The following KAZALD1 variants were observed in gnomAD, a reference collection of about 807,000 sequenced individuals.
The protein encoded by KAZALD1 is kazal-type serine protease inhibitor domain-containing protein 1.
A neutral mutation model predicts 27.7 loss-of-function variants in KAZALD1; 31 were observed. That is an observed-to-expected ratio of 1.12 (90% CI 0.84 to 1.51). The LOEUF (loss-of-function observed/expected upper bound fraction) is 1.51. Among genes scored for constraint, KAZALD1 ranks in the 40% most tolerant of loss-of-function variants. KAZALD1 has a pLI of 0.00. For missense variants in KAZALD1, 444 were observed against 408.9 expected (o/e 1.09, Z -0.74); for synonymous variants, 179 against 182.0 (o/e 0.98, Z 0.13).
In KAZALD1 at chr10:101,063,104, G is replaced by C. The variant is rs1316630273; in HGVS notation, c.511+1G>C. On this transcript the variant is annotated splice_donor_variant, in intron 2 of 4. Coordinates refer to ENST00000370200, the MANE Select transcript of KAZALD1 (RefSeq NM_030929.5). LOFTEE classifies it high-confidence loss of function. ...GCACACCCGGGGCCCTGCGAATCGGGTACGCATGGCCCGGGGCCCCCACCC... is the reference window on the plus strand; with the variant it reads ...GCACACCCGGGGCCCTGCGAATCGGCTACGCATGGCCCGGGGCCCCCACCC... The C allele has an allele frequency of 6.5e-7, 1 of 1,538,692 alleles. No individual in the cohort carries two copies. Among genetic ancestry groups the C allele is most frequent in the East Asian group, 2.3e-5 (1 of 43,782 alleles).
chr10:101,062,601 G>A lies in KAZALD1; in HGVS notation c.9G>A (p.Pro3=). 2 of 1,582,816 alleles carry A rather than the reference G, an allele frequency of 1.3e-6. No individual in the cohort carries two copies. The highest frequency in any genetic ancestry group is 2.3e-5 in the East Asian group (1 of 43,418). The part of the protein sequence containing the change: ML[P]PPRPAAALAL... ...AGGGCTTCCCGCTAACCATGCTGCC[G>A]CCGCCGCGGCCCGCAGCTGCCTTGG... The change falls in exon 2 of 5, where the codon CCG becomes CCA. Residue 3 remains proline (P), a synonymous_variant. Transcript: ENST00000370200.
chr10:101,063,714 G>T (rs1186415153), intron 2 of KAZALD1, among the ~76,000 whole-genome samples: 1 of 152,186 alleles, frequency 6.6e-6, no homozygotes, highest in Non-Finnish European at 1.5e-5. Flanking sequence ...CAAACACCCC[G>T]TGGGGGTCCC....
At position 101,062,812 on chromosome 10, in the gene KAZALD1, G is replaced by T; in HGVS notation, c.220G>T (p.Asp74Tyr). 1 of 1,583,368 alleles carries T rather than the reference G, an allele frequency of 6.3e-7. No individual in the cohort carries two copies. The highest frequency in any genetic ancestry group is 8.5e-7 in the Non-Finnish European group (1 of 1,171,348). Residue 74 changes from aspartate to tyrosine, a missense_variant, in exon 2 of 5, where the codon GAC (aspartate) becomes TAC (tyrosine). By Grantham distance (160) the Asp-to-Tyr change is radical (BLOSUM62 -3). Coordinates refer to ENST00000370200, the MANE Select transcript of KAZALD1 (RefSeq NM_030929.5). Reference protein sequence around the residue: ...PRGCLAGRVRDACGCCWECAN... With the variant: ...PRGCLAGRVRYACGCCWECAN... ...GGGCTGCCTGGCGGGCAGGGTGCGCGACGCGTGCGGCTGCTGCTGGGAATG... is the reference window on the plus strand; with the variant it reads ...GGGCTGCCTGGCGGGCAGGGTGCGCTACGCGTGCGGCTGCTGCTGGGAATG...
chr10:101,062,721 G>C lies in KAZALD1; in HGVS notation c.129G>C (p.Trp43Cys). 2 of 1,536,202 alleles carry C rather than the reference G, an allele frequency of 1.3e-6. No homozygotes were observed. The highest frequency in any genetic ancestry group is 1.7e-6 in the Non-Finnish European group (2 of 1,149,864). ...SPGPDYLRRG[W>C]MRLLAEGEGC... The stretch of plus-strand genomic sequence containing the variant: ...GCCCAGATTACCTGCGGCGCGGCTG[G>C]ATGCGGCTGCTAGCGGAGGGCGAGG... Residue 43 changes from tryptophan to cysteine, a missense_variant, in exon 2 of 5, where the codon TGG (tryptophan) becomes TGC (cysteine). Coordinates refer to ENST00000370200, the MANE Select transcript of KAZALD1 (RefSeq NM_030929.5).
In KAZALD1 at chr10:101,066,166, A is replaced by C. The variant is rs906616167; in HGVS notation, c.*1246A>C. On this transcript the variant is annotated 3_prime_UTR_variant, in exon 5 of 5. Coordinates refer to ENST00000370200, the MANE Select transcript of KAZALD1 (RefSeq NM_030929.5). Reference sequence around the variant, plus strand: ...TGATTGGAGGAAAGAATGAAAGCATAAGTCAGCGAGGCCGAGGCGCTGTGT... The same window carrying C: ...TGATTGGAGGAAAGAATGAAAGCATCAGTCAGCGAGGCCGAGGCGCTGTGT... 4 of 329,296 alleles carry C rather than the reference A, an allele frequency of 1.2e-5. No homozygotes were observed. The highest frequency in any genetic ancestry group is 8.6e-5 in the African/African-American group (4 of 46,274). The allele number at this position is 329,296 out of a possible 1,614,324, so 20.4% of individuals were successfully genotyped here.
rs1368898771 is a variant in KAZALD1 at position 101,064,973 on chromosome 10, G to A, written c.*53G>A. ...GTGAGCGGCTATAGTGTTCATCCCT[G>A]CTCTTGAAAAGACCTGGAAAGGGGA... On this transcript the variant is annotated 3_prime_UTR_variant, in exon 5 of 5. Coordinates refer to ENST00000370200, the MANE Select transcript of KAZALD1 (RefSeq NM_030929.5). The A allele has an allele frequency of 4.5e-6, 6 of 1,334,094 alleles. No homozygotes were observed. Among genetic ancestry groups the A allele is most frequent in the Non-Finnish European group, 6.5e-6 (6 of 928,698 alleles). 82.6% of individuals were successfully genotyped at this position (1,334,094 alleles called of 1,614,324 possible).
At position 101,065,190 on chromosome 10, in the gene KAZALD1, C is replaced by G; in HGVS notation, c.*270C>G. The stretch of plus-strand genomic sequence containing the variant: ...ATGCCCTGGCCAGTAGGACCTCCAA[C>G]AGGTTGTTTCCCAGGCTGGGGTGGG... On this transcript the variant is annotated 3_prime_UTR_variant, in exon 5 of 5. Coordinates refer to ENST00000370200, the MANE Select transcript of KAZALD1 (RefSeq NM_030929.5). 2.3e-6 allele frequency: 1 copy of G among 428,174 alleles called. No homozygotes were observed. Among genetic ancestry groups the G allele is most frequent in the Non-Finnish European group, 4.3e-6 (1 of 234,522 alleles). 26.5% of individuals were successfully genotyped at this position (428,174 alleles called of 1,614,324 possible).
chr10:101,067,514 T>G (rs1249750276), downstream of KAZALD1: 1 of 358,042 alleles, frequency 2.8e-6, no homozygotes, highest in African/African-American at 2.1e-5. Context: ...TGCTTTTAGC[T>G]GAGCCGGGCT....
Position 101,062,642 on chromosome 10 carries a change from T to C in KAZALD1, c.50T>C (p.Leu17Pro). 1 of 1,570,206 alleles carries C rather than the reference T, an allele frequency of 6.4e-7. No individual in the cohort carries two copies. Among genetic ancestry groups the C allele is most frequent in the Non-Finnish European group, 8.6e-7 (1 of 1,166,938 alleles). Residue 17 changes from leucine to proline, a missense_variant, in exon 2 of 5, where the codon CTG (leucine) becomes CCG (proline). By Grantham distance (98) the Leu-to-Pro change is moderately conservative. Transcript: ENST00000370200. ...PAAALALPVL[L>P]LLLVVLTPPP... The stretch of plus-strand genomic sequence containing the variant: ...GCTGCCTTGGCGCTGCCTGTGCTCC[T>C]GCTACTGCTGGTGGTGCTGACGCCG...
chr10:101,063,828 C>CT (rs1939237785), intron 2 of KAZALD1, among the ~76,000 whole-genome samples: 1 of 152,200 alleles, frequency 6.6e-6, no homozygotes, highest in African/African-American at 2.4e-5. Flanking sequence ...GAGGAGGGAA[C>CT]GGCTGCTTTT....
Position 101,062,445 on chromosome 10 carries a change from GATGCTAGTGTC to G in KAZALD1, c.-51-91_-51-81del. The G allele has an allele frequency of 3.3e-6, 4 of 1,225,654 alleles. No individual in the cohort carries two copies. In the South Asian group the frequency reaches 6.0e-5, roughly 19 times the overall value. The allele number at this position is 1,225,654 out of a possible 1,614,324, so 75.9% of individuals were successfully genotyped here. The stretch of plus-strand genomic sequence containing the variant: ...GCTACTTGGTAGCAGGGGAGGGGGC[GATGCTAGTGTC>G]ATGCTTTGGTACAAGAAGCAGTGAG... On this transcript the variant is annotated intron_variant, in intron 1 of 4. Transcript: ENST00000370200.
In KAZALD1 at chr10:101,065,541, C is replaced by G. The variant is rs1939299251; in HGVS notation, c.*621C>G. ...AGATCTTATACCACTCTGTATTGGA[C>G]AAAGGCTAGCACAGGGCTAGGCACC... On this transcript the variant is annotated 3_prime_UTR_variant, in exon 5 of 5. Coordinates refer to ENST00000370200, the MANE Select transcript of KAZALD1 (RefSeq NM_030929.5). 6.5e-6 allele frequency: 1 copy of G among 154,890 alleles called. No homozygotes were observed. Among genetic ancestry groups the G allele is most frequent in the African/African-American group, 2.4e-5 (1 of 41,460 alleles). The allele number at this position is 154,890 out of a possible 1,614,324, so 9.6% of individuals were successfully genotyped here.
At chr10:101,062,210 T>G in intron 1 of KAZALD1, 95 bp downstream of exon 1, 20 of 244,452 alleles carry the variant, frequency 8.2e-5, no homozygotes, top group East Asian at 3.6e-4. Flanking sequence ...GAGCCACCCA[T>G]TCTCTTTGGG....
intron 1 of KAZALD1, 50 bp from the exon 2 acceptor site, chr10:101,062,492 C>A: frequency 2.0e-6 from 3 of 1,487,560 alleles, no homozygotes; most frequent in Non-Finnish European, 2.7e-6. Context: ...GTTGGTCTTT[C>A]GGCACAGGCC....
rs1374150904 is a variant in KAZALD1, at chr10:101,063,107, C to T, written c.511+4C>T. ...CACCCGGGGCCCTGCGAATCGGGTA[C>T]GCATGGCCCGGGGCCCCCACCCCAG... On this transcript the variant is annotated splice_donor_region_variant and intron_variant, in intron 2 of 4. Coordinates refer to ENST00000370200, the MANE Select transcript of KAZALD1 (RefSeq NM_030929.5). 1.0e-5 allele frequency: 16 copies of T among 1,533,838 alleles called. No individual in the cohort carries two copies. The highest frequency in any genetic ancestry group is 1.4e-5 in the Non-Finnish European group (16 of 1,143,338).
intron 1 of KAZALD1, among the ~76,000 whole-genome samples, 152 bp downstream of exon 1, chr10:101,062,267 GTGGTGC>G (rs1478202020): frequency 6.6e-6 from 1 of 152,174 alleles, no homozygotes; most frequent in Non-Finnish European, 1.5e-5. Context: ...GTGCACGGAA[GTGGTGC>G]TGGTGGTGGG....
At position 101,064,593 on chromosome 10, in the gene KAZALD1, CCGCAATGCCCTGGGTCA is replaced by C; in HGVS notation, c.766_782del (p.Arg256SerfsTer6). ...ATGAGGGCACTTACCGCTGCCTTGG[CCGCAATGCCCTGGGTCA>C]AGTGGAGGCCCCTGCTAGCTTGACA... On this transcript the variant is annotated frameshift_variant, in exon 4 of 5. Transcript: ENST00000370200. LOFTEE classifies it high-confidence loss of function. 6 of 1,614,002 alleles carry C rather than the reference CCGCAATGCCCTGGGTCA, an allele frequency of 3.7e-6. No homozygotes were observed. The highest frequency in any genetic ancestry group is 5.1e-6 in the Non-Finnish European group (6 of 1,180,016).
chr10:101,062,289 G>T (rs1939176767), intron 1 of KAZALD1, among the ~76,000 whole-genome samples, 174 bp downstream of exon 1: 1 of 152,140 alleles, frequency 6.6e-6, no homozygotes, highest in African/African-American at 2.4e-5. Flanking sequence ...GTGGGTGTGC[G>T]TGCGCCTGAG....
Position 101,064,360 on chromosome 10 carries a change from A to G in KAZALD1, c.611A>G (p.Glu204Gly). ...EVFAYPMASIEWRKDGLDIQL... is the reference protein window; with the variant it reads ...EVFAYPMASIGWRKDGLDIQL... ...TTTGCCTACCCCATGGCCTCCATCGAGTGGAGGAAGGATGGCTTGGACATC... is the reference window on the plus strand; with the variant it reads ...TTTGCCTACCCCATGGCCTCCATCGGGTGGAGGAAGGATGGCTTGGACATC... The change falls in exon 3 of 5, where the codon GAG (glutamate) becomes GGG (glycine). Residue 204 changes from glutamate to glycine, a missense_variant. Physicochemically the swap from Glu to Gly is moderately conservative, Grantham distance 98 (BLOSUM62 -2). Coordinates refer to ENST00000370200, the MANE Select transcript of KAZALD1 (RefSeq NM_030929.5). 1.2e-6 allele frequency: 2 copies of G among 1,614,072 alleles called. No individual in the cohort carries two copies. Among genetic ancestry groups the G allele is most frequent in the Non-Finnish European group, 1.7e-6 (2 of 1,179,970 alleles).
Sources: gnomAD v4.1 joint callset for allele counts (sites outside exome capture counted in the v4.1 genomes callset) on GRCh38, gnomAD v4.1.1 for gene constraint, MANE v1.5 for transcripts, NCBI Gene and HGNC (gene_info 2026-07-23, HGNC 2026-07-21) for gene names.